NUMB: variants seen among roughly 807,000 people sequenced by gnomAD.
NUMB encodes the protein protein numb homolog.
NUMB carries 29 observed loss-of-function variants against 59.7 expected under a neutral mutation model. The ratio of observed to expected loss-of-function variants is 0.49; its 90% CI spans 0.36 to 0.66. The LOEUF is 0.66. Among genes scored for constraint, NUMB ranks in the 30% least tolerant of loss-of-function variants. The pLI, the probability that NUMB is intolerant of heterozygous loss-of-function variation, is 0.00. For synonymous variants in NUMB, 288 were observed against 288.2 expected, an observed-to-expected ratio of 1.00 and a Z score of 0.01; for missense variants, 723 against 822.0, an observed-to-expected ratio of 0.88 and a Z score of 1.47.
intron 6 of NUMB, among the ~76,000 whole-genome samples, chr14:73,299,585 TC>T (rs1182499441): frequency 3.9e-5 from 5 of 128,756 alleles, no homozygotes; most frequent in African/African-American, 1.5e-4. Context: ...ATGACATATG[TC>T]ATGTCATATA....
chr14:73,337,724 G>A (rs886581283), intron 4 of NUMB, among the ~76,000 whole-genome samples: 2 of 152,128 alleles, frequency 1.3e-5, no homozygotes, highest in Non-Finnish European at 2.9e-5. Flanking sequence ...CTATATTATT[G>A]TGTTAGTAGA....
chr14:73,297,680 G>A (rs767979832), intron 6 of NUMB: 6 of 165,468 alleles, frequency 3.6e-5, no homozygotes, highest in African/African-American at 9.6e-5. Context: ...CACAAGTAGC[G>A]TCCACAAGTG....
chr14:73,325,247 C>G (rs1891601054), intron 4 of NUMB, among the ~76,000 whole-genome samples: 1 of 152,132 alleles, frequency 6.6e-6, no homozygotes, highest in Non-Finnish European at 1.5e-5. Context: ...GTAAGAAGAT[C>G]ATCTGAGGCC....
rs200270548 is a variant in NUMB at position 73,279,436 on chromosome 14, G to A, written c.1097-12C>T. 1 of 1,564,430 alleles carries A rather than the reference G, an allele frequency of 6.4e-7. No individual in the cohort carries two copies. The highest frequency in any genetic ancestry group is 8.6e-7 in the Non-Finnish European group (1 of 1,156,150). ...GTCAGTGCCATTAGCTACAACGGGA[G>A]CAGACAACATCAATGGAGTTAATTC... is the stretch of plus-strand genomic sequence containing the variant. On this transcript the variant is annotated splice_polypyrimidine_tract_variant and intron_variant, in intron 11 of 12. Transcript: ENST00000555238.
chr14:73,422,886 T>A (rs184330077), intron 1 of NUMB, among the ~76,000 whole-genome samples: 2 of 135,900 alleles, frequency 1.5e-5, no homozygotes, highest in African/African-American at 5.6e-5. Flanking sequence ...CCAAACCATA[T>A]CAGGAGGAAG....
At chr14:73,367,390 T>G (rs1894421291) in intron 2 of NUMB, among the ~76,000 whole-genome samples, 1 of 128,110 alleles carries the variant, frequency 7.8e-6, no homozygotes, top group Non-Finnish European at 1.7e-5. Context: ...TAGGATATTG[T>G]TATTTATTGA....
At chr14:73,435,084 T>G (rs941984648) in intron 1 of NUMB, among the ~76,000 whole-genome samples, 1 of 152,082 alleles carries the variant, frequency 6.6e-6, no homozygotes, top group African/African-American at 2.4e-5. Flanking sequence ...TATTTAATCA[T>G]CTGGAAAACA....
At chr14:73,337,132 T>C (rs1892366223) in intron 4 of NUMB, among the ~76,000 whole-genome samples, 1 of 151,490 alleles carries the variant, frequency 6.6e-6, no homozygotes, top group Admixed American at 6.6e-5. Flanking sequence ...CAAGACTCTG[T>C]CTTTAAAAAA....
chr14:73,304,450 C>A (rs1362573434), intron 6 of NUMB, among the ~76,000 whole-genome samples: 1 of 151,806 alleles, frequency 6.6e-6, no homozygotes, highest in Non-Finnish European at 1.5e-5. Flanking sequence ...AGCTGGGAGA[C>A]CACAAGTAAG....
intron 1 of NUMB, among the ~76,000 whole-genome samples, chr14:73,421,341 C>T (rs544886124): frequency 7.2e-5 from 11 of 152,016 alleles, no homozygotes; most frequent in African/African-American, 2.4e-4. Context: ...TGCACCACTG[C>T]GCCCAGCTAA....
intron 1 of NUMB, among the ~76,000 whole-genome samples, chr14:73,440,397 C>A (rs1882966718): frequency 6.6e-6 from 1 of 151,726 alleles, no homozygotes; most frequent in Non-Finnish European, 1.5e-5. Context: ...AATGTAAGAG[C>A]CAACTCTATA....
At chr14:73,289,895 C>T (rs1889279124) in intron 8 of NUMB, among the ~76,000 whole-genome samples, 1 of 152,150 alleles carries the variant, frequency 6.6e-6, no homozygotes, top group African/African-American at 2.4e-5. Flanking sequence ...TTCTCCTAGG[C>T]CTAGGGCAGA....
intron 1 of NUMB, among the ~76,000 whole-genome samples, chr14:73,431,924 A>C (rs1897850057): frequency 6.6e-6 from 1 of 152,072 alleles, no homozygotes; most frequent in Non-Finnish European, 1.5e-5. Context: ...AGACTCCAAA[A>C]TATTCAGTAC....
At position 73,366,980 on chromosome 14, in the gene NUMB, A is replaced by G. The variant is rs776227222; in HGVS notation, c.-99T>C. ...AACTTCACCAAGCCTCAGTTTCCTC[A>G]TCTGTAAAATGAGAATAATAAACAT... On this transcript the variant is annotated splice_region_variant and 5_prime_UTR_variant, in exon 3 of 13. An upstream start codon of the reference 5' UTR is lost. Coordinates refer to ENST00000555238, the MANE Select transcript of NUMB (RefSeq NM_001005743.2). 2.0e-5 allele frequency: 3 copies of G among 152,134 alleles called. No homozygotes were observed. Among genetic ancestry groups the G allele is most frequent in the Non-Finnish European group, 4.4e-5 (3 of 68,026 alleles). 9.4% of individuals were successfully genotyped at this position (152,134 alleles called of 1,614,324 possible). A position where few individuals can be genotyped will look rare whatever the true frequency, so the allele number is the denominator to read the frequency against.
intron 9 of NUMB, 123 bp downstream of exon 9, chr14:73,286,987 T>C (rs747047235): frequency 1.1e-6 from 1 of 929,836 alleles, no homozygotes; most frequent in African/African-American, 1.6e-5. Context: ...AACTTTGTTA[T>C]AAGGTTTTAT....
Position 73,276,524 on chromosome 14 carries a change from G to T in NUMB, c.*54C>A. The T allele has an allele frequency of 7.0e-7, 1 of 1,427,158 alleles. No homozygotes were observed. The highest frequency in any genetic ancestry group is 9.7e-7 in the Non-Finnish European group (1 of 1,033,146). The allele number at this position is 1,427,158 out of a possible 1,614,324, so 88.4% of individuals were successfully genotyped here. A position where few individuals can be genotyped will look rare whatever the true frequency, so the allele number is the denominator to read the frequency against. On this transcript the variant is annotated 3_prime_UTR_variant, in exon 13 of 13. Coordinates refer to ENST00000555238, the MANE Select transcript of NUMB (RefSeq NM_001005743.2). ...CAAAGTCTGTTTTGCTCCTTTGACCGCTACCCCCTGCTCCCTGTCTGGTAT... is the reference window on the plus strand; with the variant it reads ...CAAAGTCTGTTTTGCTCCTTTGACCTCTACCCCCTGCTCCCTGTCTGGTAT...
intron 4 of NUMB, among the ~76,000 whole-genome samples, chr14:73,329,506 T>G (rs1300482814): frequency 1.3e-5 from 2 of 152,184 alleles, no homozygotes; most frequent in Non-Finnish European, 2.9e-5. Flanking sequence ...GGGACACCCA[T>G]CTTCTCTTGC....
intron 3 of NUMB, among the ~76,000 whole-genome samples, chr14:73,359,801 T>G (rs1894014313): frequency 6.6e-6 from 1 of 152,220 alleles, no homozygotes; most frequent in South Asian, 2.1e-4. Context: ...GACAAATAAC[T>G]TGGCAAAATA....
chr14:73,316,486 C>T lies in NUMB; in HGVS notation c.202-64G>A, dbSNP rs905695871. The T allele has an allele frequency of 2.8e-6, 4 of 1,444,936 alleles. No homozygotes were observed. The African/African-American group carries it at 4.2e-5, about 15-fold the overall frequency. The allele number at this position is 1,444,936 out of a possible 1,614,324, so 89.5% of individuals were successfully genotyped here. On this transcript the variant is annotated intron_variant, in intron 5 of 12. Coordinates refer to ENST00000555238, the MANE Select transcript of NUMB (RefSeq NM_001005743.2). ...ATGGCCTAAATGTCCCAGAGTTTCA[C>T]ACCAATAAGCACATACAGAAATTGG...
Sources: gnomAD v4.1 joint callset for allele counts (sites outside exome capture counted in the v4.1 genomes callset) on GRCh38, gnomAD v4.1.1 for gene constraint, MANE v1.5 for transcripts, NCBI Gene and HGNC (gene_info 2026-07-23, HGNC 2026-07-21) for gene names.